PCDH15: variants seen among roughly 807,000 people sequenced by gnomAD.
PCDH15 encodes protocadherin-15.
Under a neutral mutation model 178.5 loss-of-function variants are expected in PCDH15, and 129 were observed. That is an observed-to-expected ratio of 0.72 (90% CI 0.63 to 0.84). PCDH15 has a LOEUF of 0.84. Ranked by LOEUF, PCDH15 falls within the 40% of genes least tolerant of loss-of-function variation. The pLI is 0.00. For synonymous variants in PCDH15, 800 were observed against 732.0 expected (o/e 1.09, Z -1.50); for missense variants, 2,230 against 2,099.9 (o/e 1.06, Z -1.21).
rs527394235 is a variant in PCDH15 at position 54,371,704 on chromosome 10, T to TA, written c.319-2430dup. ...CCTACTATATACCCATAAAAGTTTTTAAAAAATAACAAATAGAGCAGAGAT... is the reference window on the plus strand; with the variant it reads ...CCTACTATATACCCATAAAAGTTTTTAAAAAAATAACAAATAGAGCAGAGAT... On this transcript the variant is annotated intron_variant, in intron 4 of 37. Transcript: ENST00000644397. Among the ~76,000 whole-genome samples the TA allele has an allele frequency of 6.5e-3, 984 of 151,262 alleles. 10 individuals carry two copies. The highest frequency in any genetic ancestry group is 0.022 in the African/African-American group (931 of 41,512).
rs184851699 is a variant in PCDH15 at position 54,379,659 on chromosome 10, T to C, written c.158-717A>G. ...ATTATGTCTCTAACCCTTTCTACTG[T>C]GTTAAAGATCCCATGCATTTTACAT... On this transcript the variant is annotated intron_variant, in intron 3 of 37. Transcript: ENST00000644397. Among the ~76,000 whole-genome samples, 4 of 152,244 alleles carry C rather than the reference T, an allele frequency of 2.6e-5. No homozygotes were observed. In the East Asian group the frequency reaches 7.7e-4, roughly 29 times the overall value.
At chr10:54,076,737 A>G (rs180779066) in intron 17 of PCDH15, among the ~76,000 whole-genome samples, 104 of 152,242 alleles carry the variant, frequency 6.8e-4, no homozygotes, top group Non-Finnish European at 1.6e-4. Flanking sequence ...ACTGTCTACA[A>G]ATAAACTCAC....
chr10:54,978,214 T>C (rs958017885), intron 2 of PCDH15, among the ~76,000 whole-genome samples: 1 of 152,064 alleles, frequency 6.6e-6, no homozygotes, highest in African/African-American at 2.4e-5. Flanking sequence ...ATAGAGAAGG[T>C]AAAGTTTAGC....
chr10:54,073,140 T>C (rs1243264965), intron 17 of PCDH15, among the ~76,000 whole-genome samples: 2 of 151,954 alleles, frequency 1.3e-5, no homozygotes, highest in Non-Finnish European at 2.9e-5. Context: ...TGTGTGTATG[T>C]ATGTATACAC....
At chr10:54,168,250 G>T (rs2046473015) in intron 13 of PCDH15, among the ~76,000 whole-genome samples, 2 of 152,256 alleles carry the variant, frequency 1.3e-5, no homozygotes, top group African/African-American at 4.8e-5. Flanking sequence ...GGTCTGAGGT[G>T]CCTGACGTCC....
At chr10:54,027,637 C>CAT (rs1477753571) in intron 18 of PCDH15, among the ~76,000 whole-genome samples, 1 of 148,528 alleles carries the variant, frequency 6.7e-6, no homozygotes, top group Non-Finnish European at 1.5e-5. Flanking sequence ...AATAATGCTG[C>CAT]ATATCTACAA....
chr10:54,908,950 C>T (rs886084570), intron 2 of PCDH15, among the ~76,000 whole-genome samples: 2 of 152,072 alleles, frequency 1.3e-5, no homozygotes, highest in Non-Finnish European at 2.9e-5. Flanking sequence ...AGCTGGTCAT[C>T]CTGTCATCTC....
intron 21 of PCDH15, among the ~76,000 whole-genome samples, chr10:53,977,163 C>T (rs896410977): frequency 6.6e-6 from 1 of 152,116 alleles, no homozygotes; most frequent in African/African-American, 2.4e-5. Context: ...AAAGCCAACC[C>T]TGGCAATGCT....
chr10:55,058,908 C>T (rs1057029381), intron 2 of PCDH15, among the ~76,000 whole-genome samples: 2 of 152,042 alleles, frequency 1.3e-5, no homozygotes, highest in Admixed American at 6.6e-5. Flanking sequence ...TGTTTGATTC[C>T]CAGAGTAGCT....
At chr10:54,088,212 C>T (rs72797018) in intron 16 of PCDH15, among the ~76,000 whole-genome samples, 30,441 of 152,078 alleles carry the variant, frequency 0.2, 3,321 homozygotes, top group Non-Finnish European at 0.25. Context: ...TTAGTCATAC[C>T]TGGTTTTGCC....
chr10:54,250,955 A>T (rs565743004), intron 8 of PCDH15, among the ~76,000 whole-genome samples: 10 of 152,302 alleles, frequency 6.6e-5, no homozygotes, highest in Non-Finnish European at 1.0e-4. Flanking sequence ...ATCATTTTAA[A>T]TTCCTATATT....
At chr10:54,286,828 A>C (rs2059058152) in intron 8 of PCDH15, among the ~76,000 whole-genome samples, 1 of 152,124 alleles carries the variant, frequency 6.6e-6, no homozygotes, top group Admixed American at 6.5e-5. Context: ...GGGTTTTGCC[A>C]TGTTGGCCAG....
chr10:54,584,431 A>G (rs2091299959), intron 2 of PCDH15, among the ~76,000 whole-genome samples: 1 of 152,056 alleles, frequency 6.6e-6, no homozygotes, highest in Non-Finnish European at 1.5e-5. Context: ...CTTCTATTAA[A>G]CAGGTCACAA....
At chr10:54,146,873 C>CAA (rs1326499010) in intron 14 of PCDH15, among the ~76,000 whole-genome samples, 7 of 118,858 alleles carry the variant, frequency 5.9e-5, no homozygotes, top group Non-Finnish European at 1.2e-4. Context: ...AAAAAAATCA[C>CAA]TATATATATA....
At chr10:54,262,453 G>T (rs926839321) in intron 8 of PCDH15, among the ~76,000 whole-genome samples, 1 of 152,076 alleles carries the variant, frequency 6.6e-6, no homozygotes, top group Non-Finnish European at 1.5e-5. Flanking sequence ...AACATCCACT[G>T]CCCAGCTTAA....
intron 2 of PCDH15, among the ~76,000 whole-genome samples, chr10:55,519,999 G>GA (rs1841119928): frequency 6.8e-6 from 1 of 146,900 alleles, no homozygotes; most frequent in South Asian, 2.1e-4. Flanking sequence ...CATCTTTGAG[G>GA]AAAGAATGAC....
At chr10:53,821,018 G>A (rs2076242218) in intron 32 of PCDH15, 1 of 743,450 alleles carries the variant, frequency 1.3e-6, no homozygotes, top group Non-Finnish European at 1.6e-6. Context: ...TTAAATTAGG[G>A]AGATGATTAA....
chr10:53,892,819 G>GT lies in PCDH15; in HGVS notation c.3501+10423dup, dbSNP rs557979701. On this transcript the variant is annotated intron_variant, in intron 26 of 37. Transcript: ENST00000644397. ...TATATTGTACAACATGGTGACTATA[G>GT]TAACAGCGATATATTCTTTAAAAAT... Among the ~76,000 whole-genome samples the GT allele has an allele frequency of 2.5e-3, 383 of 152,258 alleles. 1 individual carries two copies. The highest frequency in any genetic ancestry group is 8.0e-3 in the African/African-American group (333 of 41,554).
chr10:54,822,405 C>T (rs1259070123), intron 3 of PCDH15, among the ~76,000 whole-genome samples: 2 of 152,112 alleles, frequency 1.3e-5, no homozygotes, highest in Admixed American at 6.6e-5. Flanking sequence ...TCATGAGTCT[C>T]GCTTATTTCA....
Sources: allele counts gnomAD v4.1 joint callset (sites outside exome capture counted in the v4.1 genomes callset), GRCh38; gene constraint gnomAD v4.1.1; transcripts MANE v1.5; gene names NCBI Gene and HGNC (gene_info 2026-07-23, HGNC 2026-07-21).